The following NTM variants were observed in gnomAD, a reference collection of about 807,000 sequenced individuals.
NTM encodes neurotrimin.
Under a neutral mutation model 42.1 loss-of-function variants are expected in NTM, and 13 were observed. That is an observed-to-expected ratio of 0.31 (90% CI 0.20 to 0.49). NTM has a LOEUF of 0.49. Ranked by LOEUF, NTM falls within the 20% of genes least tolerant of loss-of-function variation. The pLI is 0.99. For synonymous variants in NTM, 187 were observed against 179.2 expected (o/e 1.04, Z -0.35); for missense variants, 373 against 452.8 (o/e 0.82, Z 1.60).
At chr11:132,170,275 A>C (rs1018132709) in intron 3 of NTM, among the ~76,000 whole-genome samples, 1 of 152,244 alleles carries the variant, frequency 6.6e-6, no homozygotes, top group African/African-American at 2.4e-5. Flanking sequence ...GGTCATGGGG[A>C]TTCCAGATCA....
intron 2 of NTM, among the ~76,000 whole-genome samples, chr11:132,020,924 T>C (rs568726485): frequency 6.6e-6 from 1 of 152,170 alleles, no homozygotes; most frequent in African/African-American, 2.4e-5. Flanking sequence ...TTTTTAGATA[T>C]CTAGATTAGT....
intron 1 of NTM, among the ~76,000 whole-genome samples, chr11:131,605,250 C>A (rs1349898191): frequency 1.3e-5 from 2 of 152,128 alleles, no homozygotes; most frequent in African/African-American, 4.8e-5. Flanking sequence ...TTATAGTTTT[C>A]AGAGTGGAAG....
At position 131,494,440 on chromosome 11, in the gene NTM, G is replaced by T. The variant is rs577121898; in HGVS notation, c.82+123552G>T. Among the ~76,000 whole-genome samples the T allele has an allele frequency of 4.6e-5, 7 of 152,294 alleles. No individual in the cohort carries two copies. The South Asian group carries it at 1.4e-3, about 32-fold the overall frequency. On this transcript the variant is annotated intron_variant, in intron 1 of 8. Coordinates refer to ENST00000683400, the MANE Select transcript of NTM (RefSeq NM_001352005.2). The stretch of plus-strand genomic sequence containing the variant: ...AGAAGGCTTTCCAGAGGAGATACTA[G>T]CTCATGCCTAATGAATATGGTGAAG...
intron 2 of NTM, among the ~76,000 whole-genome samples, chr11:131,959,688 A>G (rs1258731462): frequency 6.6e-6 from 1 of 152,182 alleles, no homozygotes; most frequent in Non-Finnish European, 1.5e-5. Context: ...CCACCTCATC[A>G]ACCACTCTGA....
chr11:131,614,223 C>T (rs538436012), intron 1 of NTM, among the ~76,000 whole-genome samples: 24 of 152,206 alleles, frequency 1.6e-4, no homozygotes, highest in East Asian at 5.9e-4. Flanking sequence ...AAAGAGGGAC[C>T]GTGAGCGCAG....
chr11:132,052,430 C>A lies in NTM; in HGVS notation c.168-93852C>A, dbSNP rs182038848. 1.3e-3 allele frequency among the ~76,000 whole-genome samples: 193 copies of A among 152,258 alleles called. 1 individual carries two copies. Among genetic ancestry groups the A allele is most frequent in the African/African-American group, 4.5e-3 (188 of 41,550 alleles). Reference sequence around the variant, plus strand: ...CTTTTGGCATTCATAGTGTAAATGGCACTTTATCAGTTGAAAATGTGAATC... The same window carrying A: ...CTTTTGGCATTCATAGTGTAAATGGAACTTTATCAGTTGAAAATGTGAATC... On this transcript the variant is annotated intron_variant, in intron 2 of 8. Coordinates refer to ENST00000683400, the MANE Select transcript of NTM (RefSeq NM_001352005.2).
chr11:132,252,262 T>C (rs1160831653), intron 4 of NTM, among the ~76,000 whole-genome samples: 2 of 152,118 alleles, frequency 1.3e-5, no homozygotes, highest in African/African-American at 4.8e-5. Flanking sequence ...CCCTATCAGC[T>C]CCTTTATCAG....
chr11:132,310,352 T>A, intron 6 of NTM, 120 bp downstream of exon 6: 1 of 950,066 alleles, frequency 1.1e-6, no homozygotes, highest in Non-Finnish European at 1.5e-6. Flanking sequence ...AACTTATCTC[T>A]ATAGGGGGCA....
At chr11:131,902,547 G>A (rs138094190) in intron 1 of NTM, among the ~76,000 whole-genome samples, 3 of 152,332 alleles carry the variant, frequency 2.0e-5, no homozygotes, top group African/African-American at 7.2e-5. Flanking sequence ...CAGCCTTGAT[G>A]CATTGGTTTA....
intron 7 of NTM, among the ~76,000 whole-genome samples, chr11:132,318,198 T>C (rs3133911): frequency 0.45 from 68,061 of 151,990 alleles, 16,733 homozygotes; most frequent in Non-Finnish European, 0.55. Context: ...CTAGGGGTGC[T>C]ACTGGGGTCC....
At chr11:132,122,711 T>A (rs898836567) in intron 2 of NTM, among the ~76,000 whole-genome samples, 3 of 152,214 alleles carry the variant, frequency 2.0e-5, no homozygotes, top group Admixed American at 2.0e-4. Context: ...CCACACCAGC[T>A]GTATTTGGGA....
At chr11:132,321,154 C>A (rs1009760677) in intron 7 of NTM, among the ~76,000 whole-genome samples, 1 of 152,208 alleles carries the variant, frequency 6.6e-6, no homozygotes, top group Non-Finnish European at 1.5e-5. Flanking sequence ...TCCTCACCAG[C>A]AACTGAACAA....
chr11:131,690,201 G>T (rs1017531004), intron 1 of NTM, among the ~76,000 whole-genome samples: 1 of 152,170 alleles, frequency 6.6e-6, no homozygotes, highest in African/African-American at 2.4e-5. Context: ...AGTATGACAC[G>T]CAGCGAGGCT....
At chr11:131,832,790 G>T (rs933137413) in intron 1 of NTM, among the ~76,000 whole-genome samples, 1 of 152,292 alleles carries the variant, frequency 6.6e-6, no homozygotes, top group African/African-American at 2.4e-5. Context: ...ATGTATGTAC[G>T]TGCATATGTA....
chr11:131,913,333 T>C (rs1462396462), intron 2 of NTM, among the ~76,000 whole-genome samples: 1 of 102,064 alleles, frequency 9.8e-6, no homozygotes, highest in East Asian at 2.3e-4. Flanking sequence ...ATAAATGGGA[T>C]TTTTTTTTTC....
At chr11:131,918,404 T>A (rs1396505224) in intron 2 of NTM, among the ~76,000 whole-genome samples, 1 of 152,236 alleles carries the variant, frequency 6.6e-6, no homozygotes, top group Non-Finnish European at 1.5e-5. Flanking sequence ...GTGGGACAGC[T>A]GTTTGCTGTG....
chr11:131,948,314 G>A (rs1037060452), intron 2 of NTM, among the ~76,000 whole-genome samples: 3 of 150,928 alleles, frequency 2.0e-5, no homozygotes, highest in Admixed American at 1.3e-4. Context: ...GCAGTGAGCC[G>A]AGATCACGCC....
intron 2 of NTM, among the ~76,000 whole-genome samples, chr11:131,986,887 A>G (rs574666908): frequency 2.0e-5 from 3 of 152,228 alleles, no homozygotes; most frequent in Non-Finnish European, 2.9e-5. Context: ...AATCTGACAC[A>G]TTCCAACATA....
intron 1 of NTM, among the ~76,000 whole-genome samples, chr11:131,661,745 T>G (rs2068105628): frequency 6.6e-6 from 1 of 152,098 alleles, no homozygotes; most frequent in African/African-American, 2.4e-5. Flanking sequence ...CCCCTAAGAG[T>G]AGAGTGAAAA....
Sources: gnomAD v4.1 joint callset for allele counts (sites outside exome capture counted in the v4.1 genomes callset) on GRCh38, gnomAD v4.1.1 for gene constraint, MANE v1.5 for transcripts, NCBI Gene and HGNC (gene_info 2026-07-23, HGNC 2026-07-21) for gene names.